Variants in FBXO10 observed in about 807,000 individuals in gnomAD.
FBXO10 encodes the protein F-box only protein 10.
A neutral mutation model predicts 80.7 loss-of-function variants in FBXO10; 39 were observed. The observed-to-expected ratio is 0.48, with a 90% CI of 0.37 to 0.63. FBXO10 has a LOEUF of 0.63. FBXO10 is among the 30% of genes least tolerant of loss of function. The pLI, the probability that FBXO10 is intolerant of heterozygous loss-of-function variation, is 0.00. For missense variants in FBXO10, 1,025 were observed against 1,269.0 expected, an observed-to-expected ratio of 0.81 and a Z score of 2.92; for synonymous variants, 449 against 489.6, an observed-to-expected ratio of 0.92 and a Z score of 1.09.
chr9:37,573,467 T>C (rs1183440381), intron 1 of FBXO10, among the ~76,000 whole-genome samples: 1 of 152,226 alleles, frequency 6.6e-6, no homozygotes, highest in Non-Finnish European at 1.5e-5. Context: ...ATAAGGGCAT[T>C]GAGCAGCAGT....
In FBXO10 at chr9:37,529,192, C is replaced by G; in HGVS notation, c.1638G>C (p.Arg546=). 2 of 1,613,772 alleles carry G rather than the reference C, an allele frequency of 1.2e-6. No homozygotes were observed. The highest frequency in any genetic ancestry group is 1.7e-6 in the Non-Finnish European group (2 of 1,179,824). The change falls in exon 5 of 11, where the codon CGG becomes CGC. Residue 546 remains arginine, a synonymous_variant. Coordinates refer to ENST00000432825, the MANE Select transcript of FBXO10 (RefSeq NM_012166.3). Reference sequence around the variant, plus strand: ...CCTTATTGGAAAAGATTTGATTGTTCCGGATGATGCCTTTCCCATTGCCAA... The same window carrying G: ...CCTTATTGGAAAAGATTTGATTGTTGCGGATGATGCCTTTCCCATTGCCAA... The part of the protein sequence containing the change: ...VVLGNGKGII[R]NNQIFSNKEA...
chr9:37,540,944 A>G (rs1821896292), intron 2 of FBXO10, among the ~76,000 whole-genome samples: 1 of 152,238 alleles, frequency 6.6e-6, no homozygotes, highest in Admixed American at 6.5e-5. Context: ...GAGGTGCAAA[A>G]GAATTTTGGT....
chr9:37,552,326 TTTA>T, intron 1 of FBXO10, among the ~76,000 whole-genome samples: 1 of 152,326 alleles, frequency 6.6e-6, no homozygotes, highest in East Asian at 1.9e-4. Flanking sequence ...CCAGTACCAA[TTTA>T]TGTCTTAGTC....
chr9:37,521,529 A>G (rs768251859), intron 8 of FBXO10, 40 bp downstream of exon 8: 15 of 1,496,688 alleles, frequency 1.0e-5, no homozygotes, highest in Non-Finnish European at 1.3e-5. Flanking sequence ...GTGGGGAGCC[A>G]TGGAAGGTTC....
chr9:37,515,750 A>G (rs916554368), intron 10 of FBXO10, 154 bp downstream of exon 10: 3 of 773,118 alleles, frequency 3.9e-6, no homozygotes, highest in East Asian at 2.5e-5. Flanking sequence ...CGGGCCTGAC[A>G]TAGAGCCAGG....
In FBXO10 at chr9:37,541,363, G is replaced by A. The variant is rs752330787; in HGVS notation, c.406C>T (p.Leu136Phe). The change falls in exon 2 of 11, where the codon CTC becomes TTC. Residue 136 changes from leucine (L) to phenylalanine (F), a missense_variant. By Grantham distance (22) the Leu-to-Phe change is conservative. Coordinates refer to ENST00000432825, the MANE Select transcript of FBXO10 (RefSeq NM_012166.3). ...AMASLYDRIV[L>F]FPGVYEEQGE... ...TGCTCTTCGTACACACCTGGGAAGA[G>A]CACAATTCGGTCATACAGGCTGGCC... 4.3e-6 allele frequency: 7 copies of A among 1,614,006 alleles called. No homozygotes were observed. Among genetic ancestry groups the A allele is most frequent in the Non-Finnish European group, 5.9e-6 (7 of 1,179,892 alleles).
At chr9:37,525,897 T>G (rs78149107) in intron 5 of FBXO10, among the ~76,000 whole-genome samples, 4 of 152,122 alleles carry the variant, frequency 2.6e-5, no homozygotes, top group Non-Finnish European at 5.9e-5. Flanking sequence ...ACAATTTTTT[T>G]GTTTAAGACA....
chr9:37,516,827 G>A lies in FBXO10; in HGVS notation c.2515-742C>T, dbSNP rs571054689. Among the ~76,000 whole-genome samples, 331 of 152,190 alleles carry A rather than the reference G, an allele frequency of 2.2e-3. 2 individuals carry two copies. Among genetic ancestry groups the A allele is most frequent in the African/African-American group, 7.6e-3 (315 of 41,526 alleles). ...AAATACAAAATTAGCTGGGCATGGC[G>A]GCACATGCCTGTAATCCCAGCTACT... On this transcript the variant is annotated intron_variant, in intron 9 of 10. Coordinates refer to ENST00000432825, the MANE Select transcript of FBXO10 (RefSeq NM_012166.3).
Position 37,518,156 on chromosome 9 carries a change from C to T in FBXO10, c.2483G>A (p.Gly828Glu). The T allele has an allele frequency of 5.6e-6, 9 of 1,613,906 alleles. No homozygotes were observed. Among genetic ancestry groups the T allele is most frequent in the Non-Finnish European group, 7.6e-6 (9 of 1,179,814 alleles). The stretch of plus-strand genomic sequence containing the variant: ...GTCGGACCTGGGCAGCAGCTGCAGC[C>T]CGCTGCCCCGGTTGCCAATGATATC... ...ENDIIGNRGS[G>E]LQLLPRSDTK... The change falls in exon 9 of 11, where the codon GGG becomes GAG. Residue 828 changes from glycine (G) to glutamate (E), a missense_variant. By Grantham distance (98) the Gly-to-Glu change is moderately conservative. Around this residue, in one of 3 missense-constraint regions of FBXO10, gnomAD observed 478 missense variants for 667.8 expected, o/e 0.72. Transcript: ENST00000432825.
intron 1 of FBXO10, among the ~76,000 whole-genome samples, chr9:37,557,687 C>G (rs891307627): frequency 6.6e-6 from 1 of 152,176 alleles, no homozygotes; most frequent in African/African-American, 2.4e-5. Context: ...AGATAATCTC[C>G]CTCCCACATA....
At chr9:37,574,983 C>T (rs1230451496) in intron 1 of FBXO10, among the ~76,000 whole-genome samples, 1 of 152,154 alleles carries the variant, frequency 6.6e-6, no homozygotes, top group Non-Finnish European at 1.5e-5. Flanking sequence ...CCATCCTCTC[C>T]ACTACCCACT....
chr9:37,564,690 C>T lies in FBXO10; in HGVS notation c.-7+11521G>A, dbSNP rs146469359. ...TTGGACTTGCATAGGGCCTGTAGCC[C>T]CTTTGGCCAATCTCTCCCATTTGGA... is the stretch of plus-strand genomic sequence containing the variant. On this transcript the variant is annotated intron_variant, in intron 1 of 10. Transcript: ENST00000432825. 4.8e-3 allele frequency among the ~76,000 whole-genome samples: 731 copies of T among 152,288 alleles called. 5 individuals carry two copies. Among genetic ancestry groups the T allele is most frequent in the African/African-American group, 0.017 (706 of 41,546 alleles).
rs1241490923 is a variant in FBXO10, at chr9:37,518,192, A to G, written c.2447T>C (p.Val816Ala). The change falls in exon 9 of 11, where the codon GTC (valine) becomes GCC (alanine). Residue 816 changes from valine to alanine, a missense_variant. Coordinates refer to ENST00000432825, the MANE Select transcript of FBXO10 (RefSeq NM_012166.3). Reference sequence around the variant, plus strand: ...GTTGCCAATGATATCGTTTTCAATGACGATGGTGCTGTCGCCCTTGGTGAT... The same window carrying G: ...GTTGCCAATGATATCGTTTTCAATGGCGATGGTGCTGTCGCCCTTGGTGAT... Reference protein sequence around the residue: ...GIITKGDSTIVIENDIIGNRG... With the variant: ...GIITKGDSTIAIENDIIGNRG... 1 of 1,614,028 alleles carries G rather than the reference A, an allele frequency of 6.2e-7. No homozygotes were observed. The highest frequency in any genetic ancestry group is 8.5e-7 in the Non-Finnish European group (1 of 1,179,886).
rs775344192 is a variant in FBXO10 at position 37,518,216 on chromosome 9, A to C, written c.2423T>G (p.Ile808Ser). The change falls in exon 9 of 11, where the codon ATC (isoleucine) becomes AGC (serine). Residue 808 changes from isoleucine to serine, a missense_variant. Transcript: ENST00000432825. ...GIYDNRGHGI[I>S]TKGDSTIVIE... The stretch of plus-strand genomic sequence containing the variant: ...GACGATGGTGCTGTCGCCCTTGGTG[A>C]TAATGCCGTGGCCTCTGTTGTCATA... 4.3e-6 allele frequency: 7 copies of C among 1,614,046 alleles called. No homozygotes were observed. In the African/African-American group the frequency reaches 9.3e-5, roughly 22 times the overall value.
At chr9:37,570,162 T>A (rs1017799732) in intron 1 of FBXO10, among the ~76,000 whole-genome samples, 5 of 151,982 alleles carry the variant, frequency 3.3e-5, no homozygotes, top group African/African-American at 1.2e-4. Flanking sequence ...TACAAAAACA[T>A]TAGCTGGGCA....
intron 8 of FBXO10, among the ~76,000 whole-genome samples, chr9:37,519,471 C>CTA (rs1554756690): frequency 6.6e-6 from 1 of 151,584 alleles, no homozygotes; most frequent in Non-Finnish European, 1.5e-5. Context: ...CCTCTGCCCA[C>CTA]CAACAGCAAC....
chr9:37,523,112 G>A, intron 6 of FBXO10, 135 bp from the exon 7 acceptor site: 1 of 939,486 alleles, frequency 1.1e-6, no homozygotes, highest in Non-Finnish European at 1.6e-6. Flanking sequence ...AATTAGCACT[G>A]TAAATCTTGT....
In FBXO10 at chr9:37,549,639, T is replaced by C. The variant is rs534548236; in HGVS notation, c.-6-7865A>G. ...CATTTCATCTGCTGGTTCCCCTCTA[T>C]CTTTTCTTTACAATTTATTTGTTGA... On this transcript the variant is annotated intron_variant, in intron 1 of 10. Coordinates refer to ENST00000432825, the MANE Select transcript of FBXO10 (RefSeq NM_012166.3). Among the ~76,000 whole-genome samples the C allele has an allele frequency of 2.0e-5, 3 of 152,340 alleles. No homozygotes were observed. In the East Asian group the frequency reaches 5.8e-4, roughly 29 times the overall value.
chr9:37,515,773 T>C, intron 10 of FBXO10, 131 bp downstream of exon 10: 1 of 961,382 alleles, frequency 1.0e-6, no homozygotes, highest in Non-Finnish European at 1.6e-6. Context: ...CAGGCCTTTT[T>C]CTGACTGGAG....
Sources: allele counts gnomAD v4.1 joint callset (sites outside exome capture counted in the v4.1 genomes callset), GRCh38; gene constraint gnomAD v4.1.1; regional missense constraint gnomAD v4.1.1; transcripts MANE v1.5; gene names NCBI Gene and HGNC (gene_info 2026-07-23, HGNC 2026-07-21).